TMEM255A: variants seen among roughly 807,000 people sequenced by gnomAD.
TMEM255A encodes transmembrane protein 255A.
A neutral mutation model predicts 23.5 loss-of-function variants in TMEM255A; 14 were observed. That is an observed-to-expected ratio of 0.60 (90% CI 0.39 to 0.93). The LOEUF is 0.93. TMEM255A is among the 40% of genes least tolerant of loss of function. TMEM255A has a pLI of 0.00. For synonymous variants in TMEM255A, 104 were observed against 100.3 expected (o/e 1.04, Z -0.22); for missense variants, 233 against 261.7 (o/e 0.89, Z 0.76).
chrX:120,275,464 A>G (rs1359944286), intron 7 of TMEM255A, among the ~76,000 whole-genome samples: 1 of 111,698 alleles, frequency 9.0e-6, no homozygotes, highest in Non-Finnish European at 1.9e-5. Context: ...ACTTTCCAAC[A>G]TTCATCCTTT....
chrX:120,293,763 A>C (rs2057933202), intron 3 of TMEM255A, among the ~76,000 whole-genome samples: 1 of 112,309 alleles, frequency 8.9e-6, no homozygotes, highest in Non-Finnish European at 1.9e-5. Context: ...TCCCTTTGGC[A>C]TAAGGAATCT....
chrX:120,276,837 A>G (rs782626056), intron 7 of TMEM255A, 48 bp downstream of exon 7: 10 of 1,162,962 alleles, frequency 8.6e-6, no homozygotes, highest in Middle Eastern at 2.4e-4. Flanking sequence ...CCTTCCCCCT[A>G]TGTCCAACAG....
intron 1 of TMEM255A, among the ~76,000 whole-genome samples, chrX:120,310,686 C>A (rs12843147): frequency 1.6e-5 from 1 of 63,413 alleles, no homozygotes; most frequent in Non-Finnish European, 2.8e-5. Flanking sequence ...CTCATCCCCC[C>A]CTTTCTTCTC....
chrX:120,270,245 A>G (rs782320081), intron 7 of TMEM255A, among the ~76,000 whole-genome samples: 1 of 111,066 alleles, frequency 9.0e-6, no homozygotes, highest in African/African-American at 3.3e-5. Flanking sequence ...CTGATTTTAC[A>G]ATAAATTTGG....
chrX:120,300,448 C>T (rs2058025688), intron 2 of TMEM255A, among the ~76,000 whole-genome samples: 1 of 109,783 alleles, frequency 9.1e-6, no homozygotes, highest in African/African-American at 3.3e-5. Context: ...AGTGAAGTGG[C>T]GCGATCTCAG....
intron 8 of TMEM255A, among the ~76,000 whole-genome samples, chrX:120,264,454 G>A (rs1192306424): frequency 9.0e-6 from 1 of 111,202 alleles, no homozygotes; most frequent in Non-Finnish European, 1.9e-5. Flanking sequence ...AGGGCCAGCT[G>A]ATCAGACCCA....
At chrX:120,254,624 C>T (rs377285531), downstream of TMEM255A, 25 of 1,209,371 alleles carry the variant, frequency 2.1e-5, no homozygotes, top group African/African-American at 1.7e-4. Flanking sequence ...ATGATCCAGG[C>T]GTAGGATCAA....
chrX:120,268,047 G>A (rs931533698), intron 8 of TMEM255A, among the ~76,000 whole-genome samples, 197 bp downstream of exon 8: 8 of 110,771 alleles, frequency 7.2e-5, no homozygotes, highest in Admixed American at 9.6e-5. Context: ...GCTTCCACCC[G>A]CCCATCTCTG....
downstream of TMEM255A, chrX:120,254,012 C>G (rs782643793): frequency 4.1e-6 from 5 of 1,207,966 alleles, no homozygotes; most frequent in Non-Finnish European, 4.5e-6. Flanking sequence ...TTTTTTGCTC[C>G]GAGATTCTGC....
At chrX:120,309,674 CTG>C (rs2058086400) in intron 1 of TMEM255A, among the ~76,000 whole-genome samples, 3 of 111,873 alleles carry the variant, frequency 2.7e-5, no homozygotes, top group African/African-American at 9.7e-5. Context: ...TCCCACCTCT[CTG>C]TCTCTCTCTC....
At chrX:120,257,986 T>C (rs782799978), downstream of TMEM255A, 1 of 123,332 alleles carries the variant, frequency 8.1e-6, no homozygotes, top group Non-Finnish European at 1.9e-5. Context: ...ATGAAAATGC[T>C]TAAACTACAG....
chrX:120,254,997 G>C, downstream of TMEM255A: 1 of 1,212,004 alleles, frequency 8.3e-7, no homozygotes, highest in Non-Finnish European at 1.1e-6. Flanking sequence ...CCGTTACTGT[G>C]AGAAGGTATT....
rs1004019392 is a variant in TMEM255A, at chrX:120,260,758, T to C, written c.*112A>G. 4.1e-4 allele frequency: 413 copies of C among 1,007,059 alleles called. No individual in the cohort carries two copies. The highest frequency in any genetic ancestry group is 5.4e-4 in the Non-Finnish European group (406 of 748,261). The allele number at this position is 1,007,059 out of a possible 1,213,427, so 83.0% of individuals were successfully genotyped here. On this transcript the variant is annotated 3_prime_UTR_variant, in exon 9 of 9. Coordinates refer to ENST00000371369, the MANE Select transcript of TMEM255A (RefSeq NM_001104544.3). ...TATCTTTCCCTAGCCTGGCAGGCCA[T>C]TGTAAAACTTTATGCATAAGAGTCA... is the stretch of plus-strand genomic sequence containing the variant.
Position 120,294,047 on chromosome X carries a change from C to A in TMEM255A, c.206G>T (p.Gly69Val), listed in dbSNP as rs781950102. 32 of 1,183,513 alleles carry A rather than the reference C, an allele frequency of 2.7e-5. No homozygotes were observed. The highest frequency in any genetic ancestry group is 3.4e-5 in the Non-Finnish European group (30 of 875,092). Residue 69 changes from glycine to valine, a missense_variant, in exon 3 of 9, where the codon GGC becomes GTC. Gly to Val is a moderately radical substitution (Grantham distance 109). Coordinates refer to ENST00000371369, the MANE Select transcript of TMEM255A (RefSeq NM_001104544.3). ...VGGYYPGVIL[G>V]FGSFLGIIGS... ...AATGATTCCAAGGAACGATCCAAAG[C>A]CGAGCTGCAAAGCAATATGGCATAC...
chrX:120,292,891 G>A (rs2057926411), intron 3 of TMEM255A, among the ~76,000 whole-genome samples: 1 of 112,032 alleles, frequency 8.9e-6, no homozygotes, highest in African/African-American at 3.3e-5. Flanking sequence ...CAGAGAATTG[G>A]TAAATAATGT....
chrX:120,307,047 C>T (rs1325586216), intron 1 of TMEM255A, among the ~76,000 whole-genome samples: 2 of 112,163 alleles, frequency 1.8e-5, no homozygotes, highest in Non-Finnish European at 3.8e-5. Flanking sequence ...GAGCGTCCTT[C>T]CCTGTCACCA....
At chrX:120,303,265 T>G (rs1354096050) in intron 2 of TMEM255A, among the ~76,000 whole-genome samples, 2 of 111,392 alleles carry the variant, frequency 1.8e-5, no homozygotes, top group Non-Finnish European at 3.8e-5. Flanking sequence ...AAACCAAACA[T>G]TACTAATATT....
intron 3 of TMEM255A, among the ~76,000 whole-genome samples, chrX:120,292,653 G>A (rs782467744): frequency 1.3e-3 from 145 of 109,947 alleles, no homozygotes; most frequent in Non-Finnish European, 2.3e-3. Context: ...CCAGCTACTC[G>A]GGAGGCTGAG....
intron 1 of TMEM255A, among the ~76,000 whole-genome samples, chrX:120,305,947 C>T (rs6646655): frequency 0.19 from 20,619 of 110,973 alleles, 1,664 homozygotes; most frequent in Admixed American, 0.36. Context: ...ACGTCAGCTT[C>T]GAAAATGAGG....
Sources: allele counts gnomAD v4.1 joint callset (sites outside exome capture counted in the v4.1 genomes callset), GRCh38; gene constraint gnomAD v4.1.1; transcripts MANE v1.5; gene names NCBI Gene and HGNC (gene_info 2026-07-23, HGNC 2026-07-21).